The following ARHGAP24 variants were observed in gnomAD, a reference collection of about 807,000 sequenced individuals.
ARHGAP24 encodes rho GTPase-activating protein 24.
In ARHGAP24, 50 loss-of-function variants were observed where a neutral mutation model predicts 76.4. That is an observed-to-expected ratio of 0.65 (90% confidence interval 0.52 to 0.83). The LOEUF is 0.83. ARHGAP24 is among the 40% of genes least tolerant of loss of function. The pLI is 0.00. For missense variants in ARHGAP24, 930 were observed against 914.2 expected (o/e 1.02, Z -0.22); for synonymous variants, 345 against 323.3 (o/e 1.07, Z -0.72).
chr4:85,662,622 G>A (rs900390793), intron 2 of ARHGAP24, among the ~76,000 whole-genome samples: 2 of 151,818 alleles, frequency 1.3e-5, no homozygotes, highest in South Asian at 4.1e-4. Context: ...TATTGCCTAG[G>A]TTTTCTTCTA....
chr4:85,563,017 C>T (rs1033007265), intron 1 of ARHGAP24, among the ~76,000 whole-genome samples: 2 of 152,126 alleles, frequency 1.3e-5, no homozygotes, highest in Admixed American at 1.3e-4. Context: ...TTATGGAATG[C>T]ACTCAGGAGA....
chr4:85,813,452 A>C (rs552649853), intron 3 of ARHGAP24, among the ~76,000 whole-genome samples: 6 of 152,266 alleles, frequency 3.9e-5, no homozygotes, highest in Admixed American at 3.9e-4. Context: ...CCTGACTCAG[A>C]TGGTCAACAT....
intron 4 of ARHGAP24, among the ~76,000 whole-genome samples, chr4:85,937,137 T>C (rs1329056029): frequency 6.6e-6 from 1 of 152,134 alleles, no homozygotes; most frequent in African/African-American, 2.4e-5. Flanking sequence ...CTTGGCTGGA[T>C]TGGGAGCTCT....
At chr4:85,998,922 G>A (rs535034866) in intron 9 of ARHGAP24, among the ~76,000 whole-genome samples, 9 of 152,272 alleles carry the variant, frequency 5.9e-5, no homozygotes, top group Admixed American at 2.0e-4. Flanking sequence ...AATATCCTTC[G>A]TGTGCTTCTA....
At chr4:85,479,290 A>G (rs1722721811) in intron 1 of ARHGAP24, among the ~76,000 whole-genome samples, 1 of 152,180 alleles carries the variant, frequency 6.6e-6, no homozygotes, top group Admixed American at 6.5e-5. Context: ...AACAAAAACT[A>G]CTGTGAAATC....
intron 1 of ARHGAP24, among the ~76,000 whole-genome samples, chr4:85,560,988 A>G (rs898375614): frequency 5.9e-5 from 9 of 152,232 alleles, no homozygotes; most frequent in Non-Finnish European, 5.9e-5. Context: ...ACAAAGATGG[A>G]TTGAAGCATT....
At chr4:85,608,181 G>A (rs1211788953) in intron 2 of ARHGAP24, among the ~76,000 whole-genome samples, 1 of 152,162 alleles carries the variant, frequency 6.6e-6, no homozygotes, top group African/African-American at 2.4e-5. Flanking sequence ...ATTGAAAAAG[G>A]CAGAAAAGAG....
At chr4:85,917,640 G>C (rs1560716554) in intron 3 of ARHGAP24, among the ~76,000 whole-genome samples, 1 of 152,120 alleles carries the variant, frequency 6.6e-6, no homozygotes, top group Non-Finnish European at 1.5e-5. Flanking sequence ...CTGTGGTTTT[G>C]ATTTGCATTT....
At chr4:85,935,946 G>A (rs1736608861) in intron 4 of ARHGAP24, among the ~76,000 whole-genome samples, 1 of 152,148 alleles carries the variant, frequency 6.6e-6, no homozygotes, top group Non-Finnish European at 1.5e-5. Context: ...TGGAGTAAAG[G>A]ATTTCTATCT....
chr4:85,840,525 C>T (rs1468080496), intron 3 of ARHGAP24, among the ~76,000 whole-genome samples: 4 of 152,152 alleles, frequency 2.6e-5, no homozygotes, highest in South Asian at 2.1e-4. Context: ...TGTCTCCTTC[C>T]GTATTAATTG....
chr4:85,682,622 A>G (rs1371804629), intron 2 of ARHGAP24, among the ~76,000 whole-genome samples: 1 of 152,246 alleles, frequency 6.6e-6, no homozygotes, highest in Non-Finnish European at 1.5e-5. Context: ...AATTGCCTCC[A>G]AGCAATGCAA....
chr4:85,681,772 G>A (rs145844306), intron 2 of ARHGAP24, among the ~76,000 whole-genome samples: 3 of 152,340 alleles, frequency 2.0e-5, no homozygotes, highest in Non-Finnish European at 4.4e-5. Context: ...AAGCTGGACA[G>A]AAGTCATGCC....
chr4:85,668,760 G>A (rs1243166342), intron 2 of ARHGAP24, among the ~76,000 whole-genome samples: 1 of 152,138 alleles, frequency 6.6e-6, no homozygotes, highest in Non-Finnish European at 1.5e-5. Context: ...TAAAGAGTTG[G>A]AACTTGACCC....
intron 1 of ARHGAP24, among the ~76,000 whole-genome samples, chr4:85,485,858 G>A (rs1024528730): frequency 6.6e-6 from 1 of 151,154 alleles, no homozygotes; most frequent in Non-Finnish European, 1.5e-5. Context: ...TCAGCCTCCC[G>A]AGTAGCTGGG....
chr4:85,564,373 T>C (rs1427095483), intron 1 of ARHGAP24, among the ~76,000 whole-genome samples: 1 of 140,430 alleles, frequency 7.1e-6, no homozygotes, highest in Non-Finnish European at 1.5e-5. Flanking sequence ...AAGGGGAACA[T>C]CACACACCGG....
At position 85,545,590 on chromosome 4, in the gene ARHGAP24, A is replaced by C. The variant is rs116301210; in HGVS notation, c.-20-24932A>C. Among the ~76,000 whole-genome samples the C allele has an allele frequency of 2.8e-3, 424 of 152,260 alleles. 4 individuals are homozygous for C. Among genetic ancestry groups the C allele is most frequent in the African/African-American group, 9.8e-3 (406 of 41,542 alleles). ...CAAGAGACAGCTTCTGAGCCCTTTC[A>C]CGTTACTGCTTCCAAGCTGCTGAAG... On this transcript the variant is annotated intron_variant, in intron 1 of 9. Coordinates refer to ENST00000395184, the MANE Select transcript of ARHGAP24 (RefSeq NM_001025616.3).
At chr4:85,564,463 G>A (rs905667409) in intron 1 of ARHGAP24, among the ~76,000 whole-genome samples, 5 of 18,530 alleles carry the variant, frequency 2.7e-4, no homozygotes, top group Non-Finnish European at 5.3e-4. Context: ...AATGGGTGCA[G>A]CACACCAACA....
At chr4:85,669,408 A>G (rs368135727) in intron 2 of ARHGAP24, among the ~76,000 whole-genome samples, 1 of 152,018 alleles carries the variant, frequency 6.6e-6, no homozygotes, top group East Asian at 1.9e-4. Flanking sequence ...TGCAGTCACA[A>G]TTTACAGTAG....
intron 7 of ARHGAP24, among the ~76,000 whole-genome samples, chr4:85,977,169 G>T (rs1739390762): frequency 6.6e-6 from 1 of 152,076 alleles, no homozygotes; most frequent in Non-Finnish European, 1.5e-5. Flanking sequence ...AATTCCTCCT[G>T]TCTAAAGAAG....
Sources: allele counts gnomAD v4.1 joint callset (sites outside exome capture counted in the v4.1 genomes callset), GRCh38; gene constraint gnomAD v4.1.1; transcripts MANE v1.5; gene names NCBI Gene and HGNC (gene_info 2026-07-23, HGNC 2026-07-21).